Variants in DCC observed in about 807,000 individuals in gnomAD.
DCC encodes netrin receptor DCC.
A neutral mutation model predicts 172.5 loss-of-function variants in DCC; 58 were observed. The ratio of observed to expected loss-of-function variants is 0.34; its 90% CI spans 0.27 to 0.42. The LOEUF (loss-of-function observed/expected upper bound fraction) is 0.42, where lower values mean the gene tolerates loss of function less well. Among genes scored for constraint, DCC ranks in the 10% least tolerant of loss-of-function variants. DCC has a pLI of 1.00. For missense variants in DCC, 1,740 were observed against 1,791.0 expected (o/e 0.97, Z 0.51); for synonymous variants, 709 against 644.5 (o/e 1.10, Z -1.52).
chr18:53,379,798 T>C (rs996249281), intron 15 of DCC, among the ~76,000 whole-genome samples: 5 of 152,212 alleles, frequency 3.3e-5, no homozygotes, highest in African/African-American at 1.2e-4. Context: ...CAAGAAAGGT[T>C]GGCCAAACAA....
intron 1 of DCC, among the ~76,000 whole-genome samples, chr18:52,700,482 C>T (rs1163514383): frequency 6.6e-6 from 1 of 152,168 alleles, no homozygotes; most frequent in Non-Finnish European, 1.5e-5. Flanking sequence ...ATGCTACATC[C>T]AGGTAGTCTC....
chr18:52,345,775 A>T (rs1055112002), intron 1 of DCC, among the ~76,000 whole-genome samples: 1 of 152,046 alleles, frequency 6.6e-6, no homozygotes, highest in Non-Finnish European at 1.5e-5. Flanking sequence ...ATGTTCATGC[A>T]TGCTGCTTTT....
At chr18:53,240,126 A>C (rs1446321991) in intron 12 of DCC, among the ~76,000 whole-genome samples, 1 of 151,912 alleles carries the variant, frequency 6.6e-6, no homozygotes, top group Non-Finnish European at 1.5e-5. Context: ...CAGAAGAATA[A>C]ATATGAAAGT....
intron 2 of DCC, among the ~76,000 whole-genome samples, chr18:52,804,005 C>G (rs2038041207): frequency 6.6e-6 from 1 of 152,110 alleles, no homozygotes; most frequent in Admixed American, 6.5e-5. Context: ...GAAGGCTGCA[C>G]CTGGACTCGG....
At chr18:53,256,222 A>G (rs4100041) in intron 12 of DCC, among the ~76,000 whole-genome samples, 74,833 of 151,718 alleles carry the variant, frequency 0.49, 19,022 homozygotes, top group Non-Finnish European at 0.53. Context: ...GTTTAATTAG[A>G]TCCCATTTGT....
intron 1 of DCC, among the ~76,000 whole-genome samples, chr18:52,519,146 G>A (rs148738317): frequency 1.5e-3 from 233 of 152,314 alleles, no homozygotes; most frequent in African/African-American, 5.4e-3. Context: ...TAGAAAAAAT[G>A]TGCTTGTGTG....
intron 1 of DCC, among the ~76,000 whole-genome samples, chr18:52,521,571 C>T (rs1458549598): frequency 6.6e-6 from 1 of 151,976 alleles, no homozygotes; most frequent in Non-Finnish European, 1.5e-5. Flanking sequence ...TCAATATATT[C>T]GTGGCAGGGT....
chr18:52,453,323 A>G (rs1272476100), intron 1 of DCC, among the ~76,000 whole-genome samples: 2 of 152,226 alleles, frequency 1.3e-5, no homozygotes, highest in African/African-American at 4.8e-5. Context: ...TAAGTACATC[A>G]TTAATAAACC....
intron 7 of DCC, among the ~76,000 whole-genome samples, chr18:53,088,662 C>G (rs573422450): frequency 6.6e-6 from 1 of 151,828 alleles, no homozygotes; most frequent in Non-Finnish European, 1.5e-5. Flanking sequence ...ATTGATAGAC[C>G]GCTAGCAAGA....
chr18:52,889,055 G>A (rs116746372), intron 2 of DCC, among the ~76,000 whole-genome samples: 2,471 of 152,108 alleles, frequency 0.016, 46 homozygotes, highest in African/African-American at 0.042. Context: ...ACAGGGGAGG[G>A]AATGCTCAGC....
intron 7 of DCC, among the ~76,000 whole-genome samples, chr18:53,099,943 C>CTTTTTTTT (rs533618559): frequency 5.1e-4 from 47 of 92,734 alleles, no homozygotes; most frequent in South Asian, 1.5e-3. Flanking sequence ...TTCTTTCTTT[C>CTTTTTTTT]TTTTTTTTTT....
At chr18:53,522,110 G>A (rs1178561325) in intron 27 of DCC, among the ~76,000 whole-genome samples, 1 of 152,076 alleles carries the variant, frequency 6.6e-6, no homozygotes, top group Non-Finnish European at 1.5e-5. Flanking sequence ...TTTAAACTTT[G>A]TGAATTCCTT....
At chr18:52,413,742 C>T (rs1351495931) in intron 1 of DCC, among the ~76,000 whole-genome samples, 1 of 152,092 alleles carries the variant, frequency 6.6e-6, no homozygotes, top group Non-Finnish European at 1.5e-5. Flanking sequence ...GTATCGAAGA[C>T]AGACACACTT....
intron 1 of DCC, among the ~76,000 whole-genome samples, chr18:52,651,008 A>C (rs189449579): frequency 2.0e-5 from 3 of 152,226 alleles, no homozygotes; most frequent in African/African-American, 7.2e-5. Flanking sequence ...TATTGCTTTC[A>C]TTCTTTTTTT....
intron 13 of DCC, among the ~76,000 whole-genome samples, chr18:53,314,209 G>A (rs2057318202): frequency 6.6e-6 from 1 of 152,082 alleles, no homozygotes; most frequent in Non-Finnish European, 1.5e-5. Flanking sequence ...GAATTCTAAA[G>A]GTAATGTCCA....
chr18:52,859,735 G>GAA (rs1363799519), intron 2 of DCC, among the ~76,000 whole-genome samples: 1 of 152,158 alleles, frequency 6.6e-6, no homozygotes, highest in East Asian at 1.9e-4. Context: ...GGCTACTTCT[G>GAA]TTTGCAGGCC....
intron 7 of DCC, among the ~76,000 whole-genome samples, chr18:53,091,809 A>ATG (rs1568299166): frequency 7.7e-6 from 1 of 130,386 alleles, no homozygotes; most frequent in East Asian, 2.6e-4. Context: ...TACACTGTAC[A>ATG]TATATCTATC....
chr18:53,374,565 C>T (rs894221476), intron 15 of DCC, among the ~76,000 whole-genome samples: 4 of 152,116 alleles, frequency 2.6e-5, no homozygotes, highest in Non-Finnish European at 5.9e-5. Context: ...CATACACACA[C>T]GTACACACTC....
chr18:52,948,144 T>A (rs1371788785), intron 5 of DCC, among the ~76,000 whole-genome samples: 2 of 152,218 alleles, frequency 1.3e-5, no homozygotes, highest in Admixed American at 1.3e-4. Context: ...TGATTCAGGA[T>A]ATATATTTTC....
Sources: gnomAD v4.1 joint callset for allele counts (sites outside exome capture counted in the v4.1 genomes callset) on GRCh38, gnomAD v4.1.1 for gene constraint, MANE v1.5 for transcripts, NCBI Gene and HGNC (gene_info 2026-07-23, HGNC 2026-07-21) for gene names.